The following ADAMTS17 variants were observed in gnomAD, a reference collection of about 807,000 sequenced individuals.
ADAMTS17 encodes ADAM metallopeptidase with thrombospondin type 1 motif 17, also known as A disintegrin and metalloproteinase with thrombospondin motifs 17.
Under a neutral mutation model 141.5 loss-of-function variants are expected in ADAMTS17, and 113 were observed. The observed-to-expected ratio is 0.80, with a 90% CI of 0.69 to 0.93. The LOEUF (loss-of-function observed/expected upper bound fraction) is 0.93. Ranked by LOEUF, ADAMTS17 falls within the 40% of genes least tolerant of loss-of-function variation. ADAMTS17 has a pLI of 0.00. For synonymous variants in ADAMTS17, 768 were observed against 630.6 expected (o/e 1.22, Z -3.27); for missense variants, 1,659 against 1,517.9 (o/e 1.09, Z -1.54).
At chr15:100,162,461 C>T (rs555610317) in intron 8 of ADAMTS17, among the ~76,000 whole-genome samples, 1 of 128,076 alleles carries the variant, frequency 7.8e-6, no homozygotes, top group African/African-American at 3.1e-5. Context: ...TATATATGCA[C>T]ATATACACAT....
rs368435725 is a variant in ADAMTS17, at chr15:100,221,152, T to C, written c.1076-21729A>G. 6.6e-5 allele frequency among the ~76,000 whole-genome samples: 10 copies of C among 152,342 alleles called. 1 individual carries two copies. The highest frequency in any genetic ancestry group is 2.4e-4 in the African/African-American group (10 of 41,572). On this transcript the variant is annotated intron_variant, in intron 7 of 21. Transcript: ENST00000268070. ...GGGCAAACGCTTATGTGTTTTTTTT[T>C]TAAACAGTGACACCTACAAGATGCT...
At chr15:100,182,575 G>A (rs1431071745) in intron 8 of ADAMTS17, among the ~76,000 whole-genome samples, 1 of 152,212 alleles carries the variant, frequency 6.6e-6, no homozygotes, top group African/African-American at 2.4e-5. Flanking sequence ...ATTCAAGACT[G>A]TCTTTCCTAC....
chr15:100,318,259 C>T (rs1040943624), intron 3 of ADAMTS17, among the ~76,000 whole-genome samples: 7 of 150,940 alleles, frequency 4.6e-5, no homozygotes, highest in African/African-American at 1.5e-4. Context: ...ATTTACCAGA[C>T]AAAATCTAAC....
chr15:100,164,582 C>T (rs760887723), intron 8 of ADAMTS17, among the ~76,000 whole-genome samples: 6 of 152,192 alleles, frequency 3.9e-5, no homozygotes, highest in Non-Finnish European at 7.3e-5. Context: ...CTGCTAAGCA[C>T]ACACATTCGC....
intron 10 of ADAMTS17, among the ~76,000 whole-genome samples, chr15:100,146,414 C>A (rs1048101734): frequency 6.6e-6 from 1 of 152,192 alleles, no homozygotes; most frequent in East Asian, 1.9e-4. Flanking sequence ...TTCATGGACA[C>A]TTATCACCTC....
chr15:100,053,968 G>C lies in ADAMTS17; in HGVS notation c.2224C>G (p.Arg742Gly), dbSNP rs149692828. 2 of 1,614,168 alleles carry C rather than the reference G, an allele frequency of 1.2e-6. No individual in the cohort carries two copies. The highest frequency in any genetic ancestry group is 8.5e-7 in the Non-Finnish European group (1 of 1,180,024). The change falls in exon 16 of 22, where the codon CGC (arginine) becomes GGC (glycine). Residue 742 changes from arginine (R) to glycine (G), a missense_variant. Arg to Gly is a moderately radical substitution (Grantham distance 125, BLOSUM62 -2). Coordinates refer to ENST00000268070, the MANE Select transcript of ADAMTS17 (RefSeq NM_139057.4). ...GEFQIAGTTV[R>G]YVRRGLWEKI... ...TCCCACAGCCCCCTTCTCACATAGC[G>C]AACAGTTGTGCCTGCAATCTGGAAC...
chr15:100,124,401 A>T (rs1055125554), intron 12 of ADAMTS17, among the ~76,000 whole-genome samples: 4 of 152,256 alleles, frequency 2.6e-5, no homozygotes, highest in African/African-American at 9.6e-5. Flanking sequence ...GTTGATGAGG[A>T]AAGTACCAAT....
chr15:100,009,213 G>A (rs1317156808), intron 18 of ADAMTS17, among the ~76,000 whole-genome samples: 1 of 152,174 alleles, frequency 6.6e-6, no homozygotes, highest in Non-Finnish European at 1.5e-5. Context: ...CATGAGACCT[G>A]CTGGTTTCCC....
At chr15:100,113,574 A>G (rs561465476) in intron 13 of ADAMTS17, among the ~76,000 whole-genome samples, 56 of 152,382 alleles carry the variant, frequency 3.7e-4, no homozygotes, top group South Asian at 3.1e-3. Flanking sequence ...GTGGATTTAC[A>G]TAAGAGGTGC....
At position 100,146,969 on chromosome 15, in the gene ADAMTS17, G is replaced by A. The variant is rs569347201; in HGVS notation, c.1473+5643C>T. ...GATGTTATCAATGACAGTGGTGCCC[G>A]AAACTTCATTAGCCATTTTAATTTC... On this transcript the variant is annotated intron_variant, in intron 10 of 21. Coordinates refer to ENST00000268070, the MANE Select transcript of ADAMTS17 (RefSeq NM_139057.4). 3.3e-3 allele frequency among the ~76,000 whole-genome samples: 505 copies of A among 152,188 alleles called. 2 individuals carry two copies. Among genetic ancestry groups the A allele is most frequent in the African/African-American group, 0.011 (473 of 41,518 alleles).
intron 3 of ADAMTS17, among the ~76,000 whole-genome samples, chr15:100,317,741 G>T (rs1596510590): frequency 6.6e-6 from 1 of 152,320 alleles, no homozygotes; most frequent in South Asian, 2.1e-4. Context: ...TACGAGGCAT[G>T]CATGTGGTTT....
chr15:100,223,559 TGAGAA>T (rs2141805136), intron 7 of ADAMTS17, among the ~76,000 whole-genome samples: 1 of 152,178 alleles, frequency 6.6e-6, no homozygotes, highest in African/African-American at 2.4e-5. Flanking sequence ...GGACTCACTC[TGAGAA>T]GAGGAGATGA....
chr15:100,043,007 C>A (rs8039878), intron 18 of ADAMTS17, among the ~76,000 whole-genome samples: 1 of 152,162 alleles, frequency 6.6e-6, no homozygotes, highest in Non-Finnish European at 1.5e-5. Context: ...TATGTATGTA[C>A]GCACGGATCT....
In ADAMTS17 at chr15:100,333,786, C is replaced by T. The variant is rs766159410; in HGVS notation, c.451-2732G>A. On this transcript the variant is annotated intron_variant, in intron 2 of 21. Coordinates refer to ENST00000268070, the MANE Select transcript of ADAMTS17 (RefSeq NM_139057.4). Reference sequence around the variant, plus strand: ...AAGGCCTCTTCTGTCCCATTGATGGCGATGAAGAAACACTAGCTATGAGCC... The same window carrying T: ...AAGGCCTCTTCTGTCCCATTGATGGTGATGAAGAAACACTAGCTATGAGCC... 5.5e-4 allele frequency among the ~76,000 whole-genome samples: 84 copies of T among 152,206 alleles called. 1 individual carries two copies. The highest frequency in any genetic ancestry group is 5.2e-3 in the Admixed American group (80 of 15,284).
At chr15:100,087,213 T>C (rs952918901) in intron 15 of ADAMTS17, among the ~76,000 whole-genome samples, 26 of 152,152 alleles carry the variant, frequency 1.7e-4, no homozygotes, top group African/African-American at 5.3e-4. Context: ...TAAACACCTC[T>C]ACACAAATAA....
At chr15:100,063,156 T>C (rs991703204) in intron 15 of ADAMTS17, among the ~76,000 whole-genome samples, 3 of 152,256 alleles carry the variant, frequency 2.0e-5, no homozygotes, top group African/African-American at 4.8e-5. Context: ...GTGTTTGTGC[T>C]TGAAGTCAAT....
At chr15:100,098,929 C>T (rs2035930100) in intron 14 of ADAMTS17, among the ~76,000 whole-genome samples, 1 of 152,202 alleles carries the variant, frequency 6.6e-6, no homozygotes, top group South Asian at 2.1e-4. Context: ...CAGGTGCCCT[C>T]TGCTGTAGAC....
At chr15:100,118,820 CGAGT>C (rs1375891564) in intron 12 of ADAMTS17, among the ~76,000 whole-genome samples, 8 of 152,128 alleles carry the variant, frequency 5.3e-5, no homozygotes, top group Admixed American at 1.3e-4. Context: ...GGAGAAGGAA[CGAGT>C]GAGGCAGCAG....
chr15:100,083,130 T>G (rs1467709318), intron 15 of ADAMTS17, among the ~76,000 whole-genome samples: 39 of 152,196 alleles, frequency 2.6e-4, no homozygotes, highest in Admixed American at 2.6e-3. Flanking sequence ...GAAAATGAGG[T>G]GTGTCGCTTC....
Sources: gnomAD v4.1 joint callset for allele counts (sites outside exome capture counted in the v4.1 genomes callset) on GRCh38, gnomAD v4.1.1 for gene constraint, MANE v1.5 for transcripts, NCBI Gene and HGNC (gene_info 2026-07-23, HGNC 2026-07-21) for gene names.